The following MICAL2 variants were observed in gnomAD, a reference collection of about 807,000 sequenced individuals.
MICAL2 encodes the protein microtubule associated monooxygenase, calponin and LIM domain containing 2.
In MICAL2, 77 loss-of-function variants were observed where a neutral mutation model predicts 127.3. That is an observed-to-expected ratio of 0.60 (90% confidence interval 0.50 to 0.73). The LOEUF (loss-of-function observed/expected upper bound fraction) is 0.73. Ranked by LOEUF, MICAL2 falls within the 30% of genes least tolerant of loss-of-function variation. The pLI is 0.00. For missense variants in MICAL2, 1,351 were observed against 1,434.4 expected (o/e 0.94, Z 0.94); for synonymous variants, 570 against 551.1 (o/e 1.03, Z -0.48).
At chr11:12,281,961 G>T (rs962396227) in intron 2 of MICAL2, among the ~76,000 whole-genome samples, 2 of 152,198 alleles carry the variant, frequency 1.3e-5, no homozygotes, top group African/African-American at 4.8e-5. Flanking sequence ...ACGGAAACTT[G>T]CTGCCCAATG....
At chr11:12,326,319 G>C (rs1380261355) in intron 31 of MICAL2, among the ~76,000 whole-genome samples, 1 of 152,138 alleles carries the variant, frequency 6.6e-6, no homozygotes, top group African/African-American at 2.4e-5. Flanking sequence ...TTGACAGCAT[G>C]GTATTTGAAA....
intron 3 of MICAL2, among the ~76,000 whole-genome samples, chr11:12,172,370 G>A (rs965493443): frequency 6.6e-6 from 1 of 152,176 alleles, no homozygotes; most frequent in Non-Finnish European, 1.5e-5. Flanking sequence ...TGTTTGGAGT[G>A]CAGGGTGTTC....
At chr11:12,184,773 C>T (rs900453954) in intron 3 of MICAL2, among the ~76,000 whole-genome samples, 1 of 151,934 alleles carries the variant, frequency 6.6e-6, no homozygotes, top group African/African-American at 2.4e-5. Flanking sequence ...CCTACAGTTT[C>T]CAATGCCCCT....
chr11:12,222,798 A>T (rs1856978787), intron 11 of MICAL2, 55 bp downstream of exon 11: 2 of 1,602,648 alleles, frequency 1.2e-6, no homozygotes, highest in Non-Finnish European at 1.7e-6. Context: ...CAGTGGGAAG[A>T]GGTGGTGGGG....
At chr11:12,281,707 G>C (rs1438143527) in intron 2 of MICAL2, among the ~76,000 whole-genome samples, 2 of 152,234 alleles carry the variant, frequency 1.3e-5, no homozygotes, top group Admixed American at 6.5e-5. Context: ...TGCGAAGCCT[G>C]TTTCACAGGT....
chr11:12,155,217 TGAA>T (rs1243870984), intron 2 of MICAL2, among the ~76,000 whole-genome samples: 1 of 152,182 alleles, frequency 6.6e-6, no homozygotes, highest in East Asian at 1.9e-4. Context: ...GAGGTACAGA[TGAA>T]GATATGGAGT....
chr11:12,295,844 G>T (rs1259151038), downstream of MICAL2, among the ~76,000 whole-genome samples: 1 of 151,836 alleles, frequency 6.6e-6, no homozygotes, highest in Non-Finnish European at 1.5e-5. Context: ...ACTTATATTT[G>T]TATATATGTT....
intron 22 of MICAL2, chr11:12,250,213 G>A (rs56052330): frequency 6.6e-6 from 1 of 152,242 alleles, no homozygotes; most frequent in South Asian, 2.1e-4. Flanking sequence ...CAAGAGAGAA[G>A]TCCCAGAACA....
chr11:12,240,109 T>G (rs1490854551), intron 17 of MICAL2, among the ~76,000 whole-genome samples: 2 of 152,180 alleles, frequency 1.3e-5, no homozygotes, highest in African/African-American at 4.8e-5. Flanking sequence ...GAGCTCACAG[T>G]ATTGAAGGCC....
intron 32 of MICAL2, among the ~76,000 whole-genome samples, chr11:12,334,600 C>T (rs1334106100): frequency 3.8e-5 from 4 of 103,914 alleles, no homozygotes; most frequent in Admixed American, 2.2e-4. Context: ...ATCCCTCCCC[C>T]CTCCCCCCAC....
chr11:12,292,216 G>T (rs763990582), downstream of MICAL2: 1 of 1,613,576 alleles, frequency 6.2e-7, no homozygotes, highest in South Asian at 1.1e-5. Flanking sequence ...TTCCTTCATC[G>T]TCTTCCCATT....
downstream of MICAL2, among the ~76,000 whole-genome samples, chr11:12,295,056 T>G (rs1260272244): frequency 6.6e-6 from 1 of 152,160 alleles, no homozygotes; most frequent in Non-Finnish European, 1.5e-5. Flanking sequence ...AAGAGACCAA[T>G]CAACCATAAC....
At chr11:12,344,315 A>G (rs975969852) in intron 32 of MICAL2, among the ~76,000 whole-genome samples, 1 of 151,902 alleles carries the variant, frequency 6.6e-6, no homozygotes, top group Non-Finnish European at 1.5e-5. Context: ...AAACAAAACA[A>G]AAAACAAAAG....
rs552538568 is a variant in MICAL2, at chr11:12,259,055, C to T, written c.3231+499C>T. ...GCATCTCTTAGCAAATATCTTCTCT[C>T]GGGCTTGATTAATCATCTACCACTA... On this transcript the variant is annotated intron_variant, in intron 25 of 27. Coordinates refer to ENST00000683283, the MANE Select transcript of MICAL2 (RefSeq NM_001282663.2). 3.3e-5 allele frequency among the ~76,000 whole-genome samples: 5 copies of T among 152,320 alleles called. No individual in the cohort carries two copies. In the South Asian group the frequency reaches 8.3e-4, roughly 25 times the overall value.
intron 32 of MICAL2, among the ~76,000 whole-genome samples, chr11:12,339,332 A>G (rs1938820469): frequency 6.6e-6 from 1 of 152,012 alleles, no homozygotes; most frequent in Admixed American, 6.5e-5. Context: ...TTCATTGATT[A>G]TTCTAGTTAG....
At chr11:12,280,383 G>T (rs1316824201) in intron 1 of MICAL2, among the ~76,000 whole-genome samples, 1 of 152,132 alleles carries the variant, frequency 6.6e-6, no homozygotes, top group Non-Finnish European at 1.5e-5. Context: ...AGCCTGTATT[G>T]TTCTGCTCTG....
downstream of MICAL2, among the ~76,000 whole-genome samples, chr11:12,265,157 C>G (rs113333443): frequency 1.3e-5 from 2 of 152,198 alleles, no homozygotes; most frequent in Admixed American, 6.5e-5. Flanking sequence ...AGTCCTCCCC[C>G]GTCCTGGAGA....
rs76804041 is a variant in MICAL2, at chr11:12,229,661, C to T, written c.1995+2530C>T. On this transcript the variant is annotated intron_variant, in intron 15 of 27. Coordinates refer to ENST00000683283, the MANE Select transcript of MICAL2 (RefSeq NM_001282663.2). Reference sequence around the variant, plus strand: ...AGTGACAGAATTGAAACAGCCTGGCCAGCACTGGCTTGGGAGCTGGGGATG... The same window carrying T: ...AGTGACAGAATTGAAACAGCCTGGCTAGCACTGGCTTGGGAGCTGGGGATG... Among the ~76,000 whole-genome samples, 823 of 152,348 alleles carry T rather than the reference C, an allele frequency of 5.4e-3. 3 individuals are homozygous for T. The highest frequency in any genetic ancestry group is 0.019 in the African/African-American group (787 of 41,578).
chr11:12,123,751 G>C (rs940145928), intron 1 of MICAL2, among the ~76,000 whole-genome samples: 4 of 152,090 alleles, frequency 2.6e-5, no homozygotes, highest in Admixed American at 2.6e-4. Context: ...ACAGCCCTCT[G>C]TTTCTCTCCT....
Sources: allele counts gnomAD v4.1 joint callset (sites outside exome capture counted in the v4.1 genomes callset), GRCh38; gene constraint gnomAD v4.1.1; transcripts MANE v1.5; gene names NCBI Gene and HGNC (gene_info 2026-07-23, HGNC 2026-07-21).